Variants in STARD13 observed in about 807,000 individuals in gnomAD.
The protein encoded by STARD13 is StAR related lipid transfer domain containing 13.
A neutral mutation model predicts 106.4 loss-of-function variants in STARD13; 62 were observed. That is an observed-to-expected ratio of 0.58 (90% confidence interval 0.48 to 0.72). STARD13 has a LOEUF of 0.72. STARD13 is among the 30% of genes least tolerant of loss of function. The pLI is 0.00. For missense variants in STARD13, 1,387 were observed against 1,424.0 expected, an observed-to-expected ratio of 0.97 and a Z score of 0.42; for synonymous variants, 565 against 553.0, an observed-to-expected ratio of 1.02 and a Z score of -0.31.
the STARD13 span, among the ~76,000 whole-genome samples, chr13:33,509,800 T>C: frequency 6.6e-6 from 1 of 152,262 alleles, no homozygotes; most frequent in Middle Eastern, 3.4e-3. Context: ...AATGCCTAAC[T>C]CGTAGGGCGA....
chr13:33,660,846 C>T, the STARD13 span, among the ~76,000 whole-genome samples: 4 of 152,286 alleles, frequency 2.6e-5, no homozygotes, highest in South Asian at 2.1e-4. Context: ...GGCCTTCCAA[C>T]GTGCTGGGAT....
intron 4 of STARD13, among the ~76,000 whole-genome samples, chr13:33,136,735 G>C (rs777105187): frequency 3.9e-5 from 6 of 152,196 alleles, no homozygotes; most frequent in Non-Finnish European, 7.3e-5. Flanking sequence ...TCTCCACTGA[G>C]AGCTGCTGTG....
chr13:33,560,039 A>G, the STARD13 span, among the ~76,000 whole-genome samples: 2 of 151,498 alleles, frequency 1.3e-5, no homozygotes, highest in Non-Finnish European at 2.9e-5. Flanking sequence ...AGTCTGTGGT[A>G]TTTTGTAGTA....
intron 1 of STARD13, among the ~76,000 whole-genome samples, chr13:33,266,572 T>C (rs1890906904): frequency 6.6e-6 from 1 of 152,206 alleles, no homozygotes; most frequent in African/African-American, 2.4e-5. Flanking sequence ...CATTCTAAAT[T>C]GCTCAAGTCA....
the STARD13 span, among the ~76,000 whole-genome samples, chr13:33,445,382 C>G: frequency 2.6e-5 from 4 of 152,046 alleles, no homozygotes; most frequent in Non-Finnish European, 4.4e-5. Flanking sequence ...TTGAATATTA[C>G]TGGATAATGT....
chr13:33,154,263 C>T (rs193291956), intron 3 of STARD13, among the ~76,000 whole-genome samples: 1 of 152,258 alleles, frequency 6.6e-6, no homozygotes, highest in East Asian at 1.9e-4. Context: ...CAGGGAAGGC[C>T]ACACCTCTGT....
chr13:33,189,631 T>C (rs1287699621), intron 1 of STARD13, among the ~76,000 whole-genome samples: 2 of 151,968 alleles, frequency 1.3e-5, no homozygotes, highest in Non-Finnish European at 2.9e-5. Context: ...TGTGTGCCCT[T>C]CCTGTTCTAT....
At chr13:33,675,688 A>G in the STARD13 span, among the ~76,000 whole-genome samples, 5 of 152,214 alleles carry the variant, frequency 3.3e-5, no homozygotes, top group Non-Finnish European at 7.3e-5. Flanking sequence ...TAGTCCCTGT[A>G]TATCTGATAA....
At chr13:33,147,364 A>G (rs968426671) in intron 3 of STARD13, among the ~76,000 whole-genome samples, 12 of 152,332 alleles carry the variant, frequency 7.9e-5, no homozygotes, top group African/African-American at 2.4e-4. Context: ...CTGCACAAGC[A>G]GGAAATCAAG....
chr13:33,494,306 T>C, the STARD13 span, among the ~76,000 whole-genome samples: 1 of 152,172 alleles, frequency 6.6e-6, no homozygotes, highest in Non-Finnish European at 1.5e-5. Flanking sequence ...ATAAGCACAC[T>C]ACACATTTTA....
At chr13:33,200,505 T>C (rs1594095862) in intron 1 of STARD13, among the ~76,000 whole-genome samples, 1 of 152,184 alleles carries the variant, frequency 6.6e-6, no homozygotes, top group Admixed American at 6.5e-5. Context: ...GACTCCACTT[T>C]CCCCTGCTCC....
chr13:33,278,820 A>G (rs1891596223), intron 1 of STARD13, among the ~76,000 whole-genome samples: 1 of 152,100 alleles, frequency 6.6e-6, no homozygotes, highest in African/African-American at 2.4e-5. Flanking sequence ...ATATCTTCCT[A>G]GTTTTACCTC....
intron 2 of STARD13, among the ~76,000 whole-genome samples, chr13:33,167,306 G>A (rs952940153): frequency 5.9e-5 from 9 of 152,260 alleles, no homozygotes; most frequent in African/African-American, 1.2e-4. Flanking sequence ...GTCGAGTTGG[G>A]GTTTGCGGTA....
the STARD13 span, among the ~76,000 whole-genome samples, chr13:33,612,452 C>G: frequency 6.6e-6 from 1 of 152,152 alleles, no homozygotes; most frequent in South Asian, 2.1e-4. Context: ...GATCATCAGA[C>G]ACGGTGATCC....
chr13:33,359,703 C>T, the STARD13 span: 1 of 152,638 alleles, frequency 6.6e-6, no homozygotes, highest in Admixed American at 6.6e-5. Flanking sequence ...CTTCTCCCCA[C>T]AGCTCCCTTG....
At chr13:33,226,335 T>A (rs188223227) in intron 1 of STARD13, among the ~76,000 whole-genome samples, 5 of 152,272 alleles carry the variant, frequency 3.3e-5, no homozygotes, top group African/African-American at 9.6e-5. Flanking sequence ...CATTCCTTCA[T>A]TTTTGGCTCA....
At chr13:33,111,934 C>G (rs1348829061) in intron 9 of STARD13, 42 bp from the exon 10 acceptor site, 2 of 1,279,304 alleles carry the variant, frequency 1.6e-6, no homozygotes, top group Admixed American at 3.4e-5. Context: ...CCCACACCAA[C>G]GAGCTTGTCA....
intron 1 of STARD13, among the ~76,000 whole-genome samples, chr13:33,321,258 C>A (rs939844409): frequency 6.6e-6 from 1 of 152,078 alleles, no homozygotes; most frequent in Non-Finnish European, 1.5e-5. Context: ...GTAACCCCAG[C>A]ACTTTAGGAG....
the STARD13 span, among the ~76,000 whole-genome samples, chr13:33,532,462 C>A: frequency 1.2e-4 from 18 of 152,118 alleles, no homozygotes; most frequent in African/African-American, 4.3e-4. Flanking sequence ...CAATATGTAA[C>A]TTCTAATCTT....
Sources: allele counts gnomAD v4.1 joint callset (sites outside exome capture counted in the v4.1 genomes callset), GRCh38; gene constraint gnomAD v4.1.1; transcripts MANE v1.5; gene names NCBI Gene and HGNC (gene_info 2026-07-23, HGNC 2026-07-21).